Variants in SETD2 observed in about 807,000 individuals in gnomAD.
SETD2 encodes the protein SET domain containing 2, histone lysine methyltransferase.
In SETD2, 31 loss-of-function variants were observed where a neutral mutation model predicts 242.1. The ratio of observed to expected loss-of-function variants is 0.13; its 90% confidence interval spans 0.10 to 0.17. The LOEUF (loss-of-function observed/expected upper bound fraction) is 0.17. Among genes scored for constraint, SETD2 ranks in the 10% least tolerant of loss-of-function variants. The probability of loss-of-function intolerance (pLI) is 1.00; values close to 1 mark genes in which losing one functional copy is unlikely to be tolerated. For missense variants in SETD2, 2,481 were observed against 3,046.3 expected, an observed-to-expected ratio of 0.81 and a Z score of 4.37; for synonymous variants, 1,006 against 1,066.5, an observed-to-expected ratio of 0.94 and a Z score of 1.11.
chr3:47,126,589 T>TA (rs776104519), intron 2 of SETD2, 59 bp downstream of exon 2: 1 of 871,472 alleles, frequency 1.1e-6, no homozygotes, highest in Non-Finnish European at 1.8e-6. Flanking sequence ...ACCCAATTTC[T>TA]AAAATGTGTT....
rs2107697139 is a variant in SETD2, at chr3:47,106,124, C to T, written c.4716-4G>A. ...ATATTCTAGGACAAAGGTGTTCCTG[C>T]AAACCAAAAGGAAAAAAATAGCACT... On this transcript the variant is annotated splice_region_variant and splice_polypyrimidine_tract_variant and intron_variant, in intron 5 of 20. Transcript: ENST00000409792. The T allele has an allele frequency of 6.2e-7, 1 of 1,608,594 alleles. No individual in the cohort carries two copies. The highest frequency in any genetic ancestry group is 1.7e-5 in the Admixed American group (1 of 59,474).
chr3:47,160,667 A>C (rs1377074175), intron 1 of SETD2, among the ~76,000 whole-genome samples: 22 of 152,136 alleles, frequency 1.4e-4, no homozygotes. Context: ...CACAAGGGCA[A>C]AATTTTGTTT....
chr3:47,022,193 TCACACACACA>T (rs55972218), intron 18 of SETD2, among the ~76,000 whole-genome samples: 68 of 131,026 alleles, frequency 5.2e-4, no homozygotes, highest in South Asian at 1.1e-3. Context: ...CAACAATCTG[TCACACACACA>T]CACACACACA....
At chr3:47,087,814 C>G (rs1454121322) in intron 10 of SETD2, among the ~76,000 whole-genome samples, 2 of 151,612 alleles carry the variant, frequency 1.3e-5, no homozygotes, top group Non-Finnish European at 2.9e-5. Flanking sequence ...TAAGAAAATA[C>G]AAAAATCAGC....
At chr3:47,073,201 A>G (rs769213981) in intron 12 of SETD2, among the ~76,000 whole-genome samples, 1 of 152,136 alleles carries the variant, frequency 6.6e-6, no homozygotes, top group Non-Finnish European at 1.5e-5. Context: ...TAGCTAAAAG[A>G]ACAGACAAAA....
intron 9 of SETD2, among the ~76,000 whole-genome samples, chr3:47,090,612 G>A (rs1404150229): frequency 1.3e-5 from 2 of 151,918 alleles, no homozygotes; most frequent in Non-Finnish European, 2.9e-5. Context: ...GGATGGTCTC[G>A]ATCTCCTGAT....
intron 15 of SETD2, among the ~76,000 whole-genome samples, chr3:47,054,872 T>G (rs1336645595): frequency 6.6e-6 from 1 of 152,162 alleles, no homozygotes; most frequent in Non-Finnish European, 1.5e-5. Context: ...TGTATGTATA[T>G]GTATATGTAC....
chr3:47,036,518 A>T (rs541857404), intron 18 of SETD2, among the ~76,000 whole-genome samples: 1 of 151,306 alleles, frequency 6.6e-6, no homozygotes, highest in Non-Finnish European at 1.5e-5. Context: ...TCACACCAAA[A>T]AAAACAAAAA....
At chr3:47,143,054 G>A (rs1280156416) in intron 1 of SETD2, among the ~76,000 whole-genome samples, 1 of 152,184 alleles carries the variant, frequency 6.6e-6, no homozygotes, top group Non-Finnish European at 1.5e-5. Context: ...CACTTTGGGA[G>A]GCTGATGCTG....
At chr3:47,112,339 T>G (rs2042687763) in intron 5 of SETD2, among the ~76,000 whole-genome samples, 2 of 152,262 alleles carry the variant, frequency 1.3e-5, no homozygotes, top group East Asian at 3.9e-4. Flanking sequence ...TGGAGTACAA[T>G]GGCGCAATCT....
chr3:47,085,559 A>ATC (rs2041517891), intron 11 of SETD2, among the ~76,000 whole-genome samples: 1 of 152,240 alleles, frequency 6.6e-6, no homozygotes, highest in Non-Finnish European at 1.5e-5. Flanking sequence ...CTCAAGCCAA[A>ATC]TCTCCTGGGA....
intron 2 of SETD2, 32 bp downstream of exon 2, chr3:47,126,616 A>T (rs376738202): frequency 1.1e-4 from 129 of 1,197,226 alleles, no homozygotes; most frequent in Admixed American, 2.5e-4. Flanking sequence ...TCCATCTCAT[A>T]ATCATTGAAT....
At chr3:47,101,901 T>C (rs1485239490) in intron 7 of SETD2, among the ~76,000 whole-genome samples, 1 of 152,178 alleles carries the variant, frequency 6.6e-6, no homozygotes, top group Non-Finnish European at 1.5e-5. Context: ...GTACTAAAAA[T>C]TGGCAAACAG....
intron 9 of SETD2, among the ~76,000 whole-genome samples, chr3:47,095,516 A>G (rs2041972819): frequency 6.6e-6 from 1 of 152,204 alleles, no homozygotes; most frequent in Non-Finnish European, 1.5e-5. Flanking sequence ...CATGAATTAT[A>G]TGAAACAAGA....
chr3:47,100,776 A>T (rs188915773), intron 8 of SETD2, among the ~76,000 whole-genome samples: 2 of 151,588 alleles, frequency 1.3e-5, no homozygotes, highest in Non-Finnish European at 2.9e-5. Flanking sequence ...TTTGGGAGGC[A>T]GAGGCGGGCG....
intron 1 of SETD2, among the ~76,000 whole-genome samples, chr3:47,147,634 A>G (rs1381636016): frequency 2.0e-5 from 3 of 149,866 alleles, no homozygotes; most frequent in Non-Finnish European, 3.0e-5. Context: ...TTTTTAAGAT[A>G]GTTTCTAGGC....
At position 47,163,844 on chromosome 3, in the gene SETD2, T is replaced by C. The variant is rs776271538; in HGVS notation, c.71+10A>G. The C allele has an allele frequency of 7.0e-6, 9 of 1,288,928 alleles. No individual in the cohort carries two copies. The East Asian group carries it at 2.1e-4, about 30-fold the overall frequency. The allele number at this position is 1,288,928 out of a possible 1,614,324, so 79.8% of individuals were successfully genotyped here. A position where few individuals can be genotyped will look rare whatever the true frequency, so the allele number is the denominator to read the frequency against. The stretch of plus-strand genomic sequence containing the variant: ...CGACAGCAGCGGGGGGCCGCGGAGC[T>C]GATACTTACTCAGGGGTCGGGTGCT... On this transcript the variant is annotated intron_variant, in intron 1 of 20. Coordinates refer to ENST00000409792, the MANE Select transcript of SETD2 (RefSeq NM_014159.7).
intron 9 of SETD2, 44 bp from the exon 10 acceptor site, chr3:47,088,291 C>CAAAAA: frequency 8.6e-7 from 1 of 1,160,966 alleles, no homozygotes; most frequent in Admixed American, 2.7e-5. Context: ...ACAACAACAA[C>CAAAAA]AAAAAAAAAA....
chr3:47,128,310 T>C (rs771491999), intron 1 of SETD2, among the ~76,000 whole-genome samples: 19 of 152,076 alleles, frequency 1.2e-4, no homozygotes, highest in Non-Finnish European at 2.2e-4. Context: ...CTAAGAGCAA[T>C]CAAAAGCCAC....
Sources: allele counts gnomAD v4.1 joint callset (sites outside exome capture counted in the v4.1 genomes callset), GRCh38; gene constraint gnomAD v4.1.1; transcripts MANE v1.5; gene names NCBI Gene and HGNC (gene_info 2026-07-23, HGNC 2026-07-21).